Variants in HDAC2 observed in about 807,000 individuals in gnomAD.
HDAC2 encodes the protein YY1-associated factor 1.
In HDAC2, 5 loss-of-function variants were observed where a neutral mutation model predicts 68.5. That is an observed-to-expected ratio of 0.07 (90% confidence interval 0.04 to 0.15). The LOEUF is 0.15. HDAC2 is among the 10% of genes least tolerant of loss of function. HDAC2 has a pLI of 1.00. For synonymous variants in HDAC2, 182 were observed against 191.3 expected (o/e 0.95, Z 0.40); for missense variants, 291 against 600.8 (o/e 0.48, Z 5.39).
Position 113,934,467 on chromosome 6 carries a change from G to A in HDAC2, c.*6591C>T, listed in dbSNP as rs893793766. ...ATTTCCAGTGCATTGTTCTTTACTT[G>A]TTGCTGCTCTAGATGATGATGGTGT... On this transcript the variant is annotated 3_prime_UTR_variant, in exon 14 of 14. Coordinates refer to ENST00000519065, the MANE Select transcript of HDAC2 (RefSeq NM_001527.4). The A allele has an allele frequency of 2.4e-4, 36 of 152,206 alleles. No homozygotes were observed. Among genetic ancestry groups the A allele is most frequent in the Non-Finnish European group, 4.0e-4 (27 of 68,054 alleles). The allele number at this position is 152,206 out of a possible 1,614,324, so 9.4% of individuals were successfully genotyped here. A position where few individuals can be genotyped will look rare whatever the true frequency, so the allele number is the denominator to read the frequency against.
chr6:113,954,557 G>C (rs910688976), intron 5 of HDAC2, among the ~76,000 whole-genome samples: 1 of 152,184 alleles, frequency 6.6e-6, no homozygotes, highest in Non-Finnish European at 1.5e-5. Context: ...ACTATTAGCT[G>C]AGTGGGCAAG....
chr6:113,944,469 G>A (rs1776221915), intron 10 of HDAC2, 59 bp from the exon 11 acceptor site: 1 of 1,450,490 alleles, frequency 6.9e-7, no homozygotes, highest in East Asian at 2.3e-5. Context: ...GTTCTTACAT[G>A]CAAGAGAAAA....
chr6:113,941,657 T>C (rs189467686), intron 13 of HDAC2, 51 bp downstream of exon 13: 1 of 693,974 alleles, frequency 1.4e-6, no homozygotes. Flanking sequence ...AATAAACATG[T>C]TTAGTATTTT....
chr6:113,966,664 G>A (rs1441723158), intron 1 of HDAC2, among the ~76,000 whole-genome samples: 3 of 151,356 alleles, frequency 2.0e-5, no homozygotes, highest in Admixed American at 6.6e-5. Context: ...AAGCAAAACA[G>A]ACAGACTGTC....
chr6:113,956,513 G>A, intron 4 of HDAC2, 106 bp downstream of exon 4: 1 of 771,906 alleles, frequency 1.3e-6, no homozygotes, highest in Non-Finnish European at 2.2e-6. Flanking sequence ...ATTTCCTTTT[G>A]TTATCAAAAT....
chr6:113,971,018 C>T lies in HDAC2; in HGVS notation c.-110G>A, dbSNP rs1303690912. On this transcript the variant is annotated 5_prime_UTR_variant, in exon 1 of 14. Coordinates refer to ENST00000519065, the MANE Select transcript of HDAC2 (RefSeq NM_001527.4). Reference sequence around the variant, plus strand: ...AAAAGGGCTGAGGGAAACGTGGGGGCGATAGTCCCGCGGGGAAGGGCAGGC... The same window carrying T: ...AAAAGGGCTGAGGGAAACGTGGGGGTGATAGTCCCGCGGGGAAGGGCAGGC... The T allele has an allele frequency of 1.3e-6, 2 of 1,575,968 alleles. No homozygotes were observed. The highest frequency in any genetic ancestry group is 1.7e-6 in the Non-Finnish European group (2 of 1,160,394).
At position 113,934,359 on chromosome 6, in the gene HDAC2, G is replaced by A. The variant is rs1410537229; in HGVS notation, c.*6699C>T. ...TTACCTAGTCAGTTTCATAGATTTAGTAAACTGAAGCACAGAAATTTAAAT... is the reference window on the plus strand; with the variant it reads ...TTACCTAGTCAGTTTCATAGATTTAATAAACTGAAGCACAGAAATTTAAAT... On this transcript the variant is annotated 3_prime_UTR_variant, in exon 14 of 14. Transcript: ENST00000519065. 2 of 152,200 alleles carry A rather than the reference G, an allele frequency of 1.3e-5. No individual in the cohort carries two copies. Among genetic ancestry groups the A allele is most frequent in the Admixed American group, 6.5e-5 (1 of 15,284 alleles). 9.4% of individuals were successfully genotyped at this position (152,200 alleles called of 1,614,324 possible).
chr6:113,956,816 A>G (rs1295936767), intron 3 of HDAC2, 123 bp from the exon 4 acceptor site: 2 of 650,558 alleles, frequency 3.1e-6, no homozygotes, highest in Non-Finnish European at 5.5e-6. Context: ...TACACTTCAC[A>G]GTATAATATA....
chr6:113,956,891 G>C (rs1220509417), intron 3 of HDAC2, 198 bp from the exon 4 acceptor site: 9 of 509,924 alleles, frequency 1.8e-5, no homozygotes, highest in Admixed American at 3.3e-5. Context: ...ATCTGTGAAA[G>C]ATCATCAAAT....
At chr6:113,961,677 GGT>G (rs1034002736) in intron 1 of HDAC2, among the ~76,000 whole-genome samples, 1 of 152,024 alleles carries the variant, frequency 6.6e-6, no homozygotes, top group African/African-American at 2.4e-5. Context: ...AAAGCAGCCT[GGT>G]CTCATCATTT....
intron 5 of HDAC2, 120 bp downstream of exon 5, chr6:113,955,893 C>A: frequency 3.1e-6 from 2 of 655,400 alleles, no homozygotes; most frequent in Non-Finnish European, 4.7e-6. Context: ...ATAGAAAATT[C>A]ACCATTAACT....
At chr6:113,967,362 C>T (rs1776848867) in intron 1 of HDAC2, among the ~76,000 whole-genome samples, 1 of 152,216 alleles carries the variant, frequency 6.6e-6, no homozygotes, top group South Asian at 2.1e-4. Flanking sequence ...CTCCCGACCT[C>T]AGGTGATTTG....
intron 1 of HDAC2, chr6:113,970,084 A>C (rs1476214083): frequency 6.6e-6 from 1 of 152,120 alleles, no homozygotes; most frequent in African/African-American, 2.4e-5. Context: ...GAAACTGGAA[A>C]ACCCGAACTA....
rs1282941199 is a variant in HDAC2, at chr6:113,943,599, TACC to T, written c.1223-96_1223-94del. On this transcript the variant is annotated intron_variant, in intron 11 of 13. Transcript: ENST00000519065. ...CATACAAATGCACTAAGCAGTTAGTTACCACATTTAAACGTAAAGGGTAACATG... is the reference window on the plus strand; with the variant it reads ...CATACAAATGCACTAAGCAGTTAGTTACATTTAAACGTAAAGGGTAACATG... The T allele has an allele frequency of 3.0e-5, 26 of 862,412 alleles. No homozygotes were observed. The African/African-American group carries it at 4.0e-4, about 13-fold the overall frequency. The allele number at this position is 862,412 out of a possible 1,614,324, so 53.4% of individuals were successfully genotyped here. A position where few individuals can be genotyped will look rare whatever the true frequency, so the allele number is the denominator to read the frequency against.
At chr6:113,942,106 TAGAG>T (rs756691100) in intron 12 of HDAC2, among the ~76,000 whole-genome samples, 34 of 151,924 alleles carry the variant, frequency 2.2e-4, no homozygotes, top group Non-Finnish European at 4.0e-4. Flanking sequence ...CATCACCAAA[TAGAG>T]AGTTTATTTT....
chr6:113,956,222 C>A, intron 4 of HDAC2, 71 bp from the exon 5 acceptor site: 5 of 1,281,470 alleles, frequency 3.9e-6, no homozygotes, highest in Non-Finnish European at 5.4e-6. Flanking sequence ...GACAAAAACA[C>A]TACAAGTGTA....
chr6:113,960,474 C>T (rs576357112), intron 1 of HDAC2, among the ~76,000 whole-genome samples: 2 of 151,816 alleles, frequency 1.3e-5, no homozygotes, highest in Non-Finnish European at 2.9e-5. Flanking sequence ...TAAAACATAC[C>T]GTGTCCATAT....
intron 2 of HDAC2, 88 bp from the exon 3 acceptor site, chr6:113,958,854 C>T (rs1776615669): frequency 1.2e-6 from 1 of 814,294 alleles, no homozygotes; most frequent in African/African-American, 1.7e-5. Context: ...CCCTATCGGT[C>T]CCCTCAAAAG....
chr6:113,957,533 G>A (rs925541719), intron 3 of HDAC2, among the ~76,000 whole-genome samples: 4 of 151,448 alleles, frequency 2.6e-5, no homozygotes, highest in Non-Finnish European at 5.9e-5. Flanking sequence ...CCAGGCTGGA[G>A]TGCAATGGCG....
Sources: allele counts gnomAD v4.1 joint callset (sites outside exome capture counted in the v4.1 genomes callset), GRCh38; gene constraint gnomAD v4.1.1; transcripts MANE v1.5; gene names NCBI Gene and HGNC (gene_info 2026-07-23, HGNC 2026-07-21).